Variants in KANSL1 observed in about 807,000 individuals in gnomAD.
KANSL1 encodes KAT8 regulatory NSL complex subunit 1.
KANSL1 carries 22 observed loss-of-function variants against 103.6 expected under a neutral mutation model. The observed-to-expected ratio is 0.21, with a 90% confidence interval of 0.15 to 0.30. The LOEUF is 0.30. KANSL1 is among the 10% of genes least tolerant of loss of function. The pLI, the probability that KANSL1 is intolerant of heterozygous loss-of-function variation, is 1.00. For synonymous variants in KANSL1, 600 were observed against 527.6 expected (o/e 1.14, Z -1.88); for missense variants, 1,337 against 1,399.8 (o/e 0.96, Z 0.72).
chr17:46,040,986 G>A (rs2077293413), intron 7 of KANSL1: 1 of 152,232 alleles, frequency 6.6e-6, no homozygotes, highest in African/African-American at 2.4e-5. Context: ...GAACTTCTTA[G>A]AGATTTGTTA....
chr17:46,053,847 C>T (rs2077816840), intron 6 of KANSL1, among the ~76,000 whole-genome samples: 1 of 152,136 alleles, frequency 6.6e-6, no homozygotes, highest in Non-Finnish European at 1.5e-5. Context: ...TGCAGACAAA[C>T]TTAAGTGTAC....
chr17:46,131,788 A>G (rs973308404), intron 2 of KANSL1, among the ~76,000 whole-genome samples: 3 of 152,206 alleles, frequency 2.0e-5, no homozygotes, highest in Non-Finnish European at 4.4e-5. Context: ...TCAGACATAG[A>G]TAGCAACACC....
intron 3 of KANSL1, among the ~76,000 whole-genome samples, chr17:46,089,028 C>A (rs1370518166): frequency 4.6e-5 from 7 of 152,186 alleles, no homozygotes; most frequent in Non-Finnish European, 7.3e-5. Context: ...GATAAAAAGT[C>A]CTGAGTTTAA....
At chr17:46,120,050 C>A (rs2043212242) in intron 2 of KANSL1, 1 of 146,520 alleles carries the variant, frequency 6.8e-6, no homozygotes, top group Non-Finnish European at 1.6e-5. Context: ...AGCTTTATTT[C>A]TGAAGAAGAA....
chr17:46,064,492 C>T (rs1481315017), intron 6 of KANSL1, among the ~76,000 whole-genome samples: 2 of 152,168 alleles, frequency 1.3e-5, no homozygotes, highest in African/African-American at 4.8e-5. Flanking sequence ...TCCAACCATG[C>T]TTTAATTCAC....
intron 6 of KANSL1, among the ~76,000 whole-genome samples, chr17:46,051,265 A>AT (rs1295409471): frequency 3.9e-5 from 6 of 152,234 alleles, no homozygotes; most frequent in Non-Finnish European, 5.9e-5. Flanking sequence ...AAAGTAACTT[A>AT]TTAACTACTC....
At chr17:46,148,649 CAAT>C (rs2044875169) in intron 2 of KANSL1, among the ~76,000 whole-genome samples, 1 of 150,802 alleles carries the variant, frequency 6.6e-6, no homozygotes, top group Non-Finnish European at 1.5e-5. Context: ...TATAGTGGCA[CAAT>C]CTCAGATCAC....
chr17:46,216,913 C>T (rs986383145), intron 1 of KANSL1, among the ~76,000 whole-genome samples: 7 of 152,064 alleles, frequency 4.6e-5, no homozygotes, highest in African/African-American at 1.7e-4. Context: ...CAATATCAGC[C>T]TGGGCAACAT....
intron 2 of KANSL1, among the ~76,000 whole-genome samples, chr17:46,127,311 G>A (rs2043617772): frequency 6.6e-6 from 1 of 151,944 alleles, no homozygotes; most frequent in African/African-American, 2.4e-5. Flanking sequence ...CAAACTGAAA[G>A]GGAAAAAAAG....
At chr17:46,082,968 T>C (rs1266505763) in intron 3 of KANSL1, among the ~76,000 whole-genome samples, 1 of 152,172 alleles carries the variant, frequency 6.6e-6, no homozygotes, top group Non-Finnish European at 1.5e-5. Flanking sequence ...CAACTATACC[T>C]GCACAAACAA....
chr17:46,098,539 A>G (rs1199154883), intron 2 of KANSL1, among the ~76,000 whole-genome samples: 4 of 152,238 alleles, frequency 2.6e-5, no homozygotes, highest in African/African-American at 9.6e-5. Flanking sequence ...TTTTTCTTGG[A>G]TATTAATGAA....
At chr17:46,137,129 T>G (rs1485814470) in intron 2 of KANSL1, among the ~76,000 whole-genome samples, 1 of 152,224 alleles carries the variant, frequency 6.6e-6, no homozygotes, top group East Asian at 1.9e-4. Context: ...AAATTGTTTA[T>G]CTCTTCCAGA....
intron 2 of KANSL1, among the ~76,000 whole-genome samples, chr17:46,114,499 T>C (rs2042959177): frequency 6.6e-6 from 1 of 152,284 alleles, no homozygotes; most frequent in Non-Finnish European, 1.5e-5. Context: ...TTTATTCTAA[T>C]GTTCTTAGAC....
intron 1 of KANSL1, among the ~76,000 whole-genome samples, chr17:46,186,009 C>A (rs1409378691): frequency 6.6e-6 from 1 of 152,130 alleles, no homozygotes; most frequent in Admixed American, 6.5e-5. Context: ...ATATCTCTTT[C>A]CAACAAGCCC....
chr17:46,044,434 A>G (rs558008310), intron 7 of KANSL1: 1 of 152,320 alleles, frequency 6.6e-6, no homozygotes, highest in East Asian at 1.9e-4. Flanking sequence ...GGTGTTTTGT[A>G]ATGCTCACTT....
intron 2 of KANSL1, among the ~76,000 whole-genome samples, chr17:46,133,739 TA>T (rs2043984196): frequency 6.6e-6 from 1 of 152,078 alleles, no homozygotes; most frequent in Non-Finnish European, 1.5e-5. Flanking sequence ...AAGTGGAGGG[TA>T]GGGGCGCGAC....
chr17:46,213,549 G>C (rs576401008), intron 1 of KANSL1, among the ~76,000 whole-genome samples: 190 of 149,776 alleles, frequency 1.3e-3, no homozygotes, highest in Middle Eastern at 0.01. Flanking sequence ...ACCTCATGAT[G>C]GGCCCGCCTC....
chr17:46,064,666 C>T (rs762927700), intron 6 of KANSL1, among the ~76,000 whole-genome samples: 1 of 152,132 alleles, frequency 6.6e-6, no homozygotes, highest in Non-Finnish European at 1.5e-5. Flanking sequence ...CTCCCCTTGC[C>T]TTTCACATAC....
intron 10 of KANSL1, chr17:46,038,152 C>T (rs1167808169): frequency 1.1e-5 from 2 of 189,450 alleles, no homozygotes; most frequent in African/African-American, 2.3e-5. Context: ...GGAATCTCCC[C>T]TCTACCCACC....
Sources: allele counts gnomAD v4.1 joint callset (sites outside exome capture counted in the v4.1 genomes callset), GRCh38; gene constraint gnomAD v4.1.1; transcripts MANE v1.5; gene names NCBI Gene and HGNC (gene_info 2026-07-23, HGNC 2026-07-21).